Variants in ENO3 observed in about 807,000 individuals in gnomAD.
The protein encoded by ENO3 is enolase 3.
ENO3 carries 46 observed loss-of-function variants against 47.7 expected under a neutral mutation model. That is an observed-to-expected ratio of 0.96 (90% CI 0.76 to 1.23). The LOEUF (loss-of-function observed/expected upper bound fraction) is 1.23, where lower values mean the gene tolerates loss of function less well. Among genes scored for constraint, ENO3 ranks in the 50% most tolerant of loss-of-function variants. ENO3 has a pLI of 0.00. For missense variants in ENO3, 575 were observed against 566.2 expected, an observed-to-expected ratio of 1.02 and a Z score of -0.16; for synonymous variants, 223 against 225.9, an observed-to-expected ratio of 0.99 and a Z score of 0.11.
At chr17:4,952,278 G>A in intron 2 of ENO3, 1 of 365,852 alleles carries the variant, frequency 2.7e-6, no homozygotes, top group Admixed American at 3.7e-5. Flanking sequence ...CCGGGTTTAA[G>A]TGATTCTTGT....
rs772780015 is a variant in ENO3 at position 4,955,511 on chromosome 17, G to C, written c.772G>C (p.Asp258His). 4 of 1,614,104 alleles carry C rather than the reference G, an allele frequency of 2.5e-6. No individual in the cohort carries two copies. The highest frequency in any genetic ancestry group is 2.7e-5 in the African/African-American group (2 of 74,944). Residue 258 changes from aspartate (D) to histidine (H), a missense_variant, in exon 8 of 12, where the codon GAT becomes CAT. By Grantham distance (81) the Asp-to-His change is moderately conservative. Coordinates refer to ENST00000519602, the MANE Select transcript of ENO3 (RefSeq NM_053013.4). ...ASEFYRNGKY[D>H]LDFKSPDDPA... is the part of the protein sequence containing the mutation. Reference sequence around the variant, plus strand: ...TGAGTTCTATCGCAATGGGAAGTACGATCTTGACTTCAAGTCGCCTGATGA... The same window carrying C: ...TGAGTTCTATCGCAATGGGAAGTACCATCTTGACTTCAAGTCGCCTGATGA...
intron 4 of ENO3, 79 bp from the exon 5 acceptor site, chr17:4,953,193 C>G: frequency 6.2e-7 from 1 of 1,612,778 alleles, no homozygotes; most frequent in Non-Finnish European, 8.5e-7. Context: ...GAAACATTTT[C>G]CCTTATCCTT....
At chr17:4,955,625 A>G (rs374804367) in intron 8 of ENO3, 21 bp downstream of exon 8, 18 of 1,614,052 alleles carry the variant, frequency 1.1e-5, no homozygotes, top group Non-Finnish European at 1.4e-5. Context: ...CGGGTGTCCC[A>G]GTGTTCCTGC....
chr17:4,953,667 C>G, intron 5 of ENO3, 45 bp from the exon 6 acceptor site: 1 of 1,614,218 alleles, frequency 6.2e-7, no homozygotes, highest in Non-Finnish European at 8.5e-7. Flanking sequence ...CCACCCCAAA[C>G]CCTGCAGAAG....
chr17:4,953,579 C>A, intron 5 of ENO3, 133 bp from the exon 6 acceptor site: 1 of 1,555,076 alleles, frequency 6.4e-7, no homozygotes, highest in Admixed American at 1.7e-5. Context: ...CCCAGGGCTA[C>A]TCAGGCTGTT....
rs1284375660 is a variant in ENO3, at chr17:4,952,858, G to GATT, written c.150_151insTTA (p.Arg50_Asp51insLeu). 6.2e-7 allele frequency: 1 copy of GATT among 1,612,752 alleles called. No individual in the cohort carries two copies. The highest frequency in any genetic ancestry group is 8.5e-7 in the Non-Finnish European group (1 of 1,179,302). ...GGTATCTATGAGGCTCTGGAACTAAGAGACGGAGACAAAGGCCGCTACCTG... is the reference window on the plus strand; with the variant it reads ...GGTATCTATGAGGCTCTGGAACTAAGATTAGACGGAGACAAAGGCCGCTACCTG... On this transcript the variant is annotated inframe_insertion, in exon 3 of 12. Transcript: ENST00000519602.
chr17:4,950,882 C>T (rs1438429194), upstream of ENO3, among the ~76,000 whole-genome samples: 1 of 152,214 alleles, frequency 6.6e-6, no homozygotes, highest in African/African-American at 2.4e-5. Flanking sequence ...CTCCCTTGCT[C>T]CTCCCAAAGG....
chr17:4,954,123 C>G (rs1389059671), intron 6 of ENO3: 3 of 546,342 alleles, frequency 5.5e-6, no homozygotes, highest in Non-Finnish European at 9.8e-6. Context: ...ACCCCACACC[C>G]TACACCCAAA....
chr17:4,950,238 G>C (rs534109953), upstream of ENO3: 1 of 152,372 alleles, frequency 6.6e-6, no homozygotes, highest in East Asian at 1.9e-4. Context: ...ACTGGCCCCA[G>C]AGCCGGCAAA....
rs556739646 is a variant in ENO3 at position 4,952,375 on chromosome 17, A to G, written c.86-420A>G. 436 of 285,936 alleles carry G rather than the reference A, an allele frequency of 1.5e-3. 2 individuals are homozygous for G. Among genetic ancestry groups the G allele is most frequent in the African/African-American group, 0.011 (377 of 34,944 alleles). 17.7% of individuals were successfully genotyped at this position (285,936 alleles called of 1,614,324 possible). ...TTTTTTTTTTTTGAGATGGAGTCTC[A>G]CTCTGTCGCCCAGGCTGGAGTGCAG... On this transcript the variant is annotated intron_variant, in intron 2 of 11. Coordinates refer to ENST00000519602, the MANE Select transcript of ENO3 (RefSeq NM_053013.4).
intron 2 of ENO3, chr17:4,952,445 G>T: frequency 2.9e-6 from 1 of 349,738 alleles, no homozygotes. Flanking sequence ...CCGGGTTCAC[G>T]CCATTCTCCT....
intron 2 of ENO3, among the ~76,000 whole-genome samples, chr17:4,952,531 G>T (rs1475271700): frequency 6.6e-6 from 1 of 152,114 alleles, no homozygotes; most frequent in Non-Finnish European, 1.5e-5. Flanking sequence ...CACGGTGTCA[G>T]CCAGGATTGT....
intron 1 of ENO3, 152 bp from the exon 2 acceptor site, chr17:4,951,676 G>A: frequency 1.3e-6 from 1 of 789,850 alleles, no homozygotes; most frequent in Admixed American, 2.0e-5. Flanking sequence ...GGAGGGGGCT[G>A]CGCCTGCCTC....
chr17:4,953,180 C>G, intron 4 of ENO3, 71 bp downstream of exon 4: 1 of 1,612,944 alleles, frequency 6.2e-7, no homozygotes, highest in East Asian at 2.2e-5. Flanking sequence ...ACAGGCCTCT[C>G]CCGAAACATT....
rs113294825 is a variant in ENO3, at chr17:4,956,400, C to G, written c.1068-173C>G. 1,918 of 767,864 alleles carry G rather than the reference C, an allele frequency of 2.5e-3. 12 individuals are homozygous for G. Among genetic ancestry groups the G allele is most frequent in the African/African-American group, 0.017 (980 of 58,284 alleles). The allele number at this position is 767,864 out of a possible 1,614,324, so 47.6% of individuals were successfully genotyped here. A position where few individuals can be genotyped will look rare whatever the true frequency, so the allele number is the denominator to read the frequency against. On this transcript the variant is annotated intron_variant, in intron 9 of 11. Transcript: ENST00000519602. ...GATTCCGCTGTTCTCAGCAGCATCT[C>G]AAGAGCCCGAAATCAAGATAAGTCT...
In ENO3 at chr17:4,955,497, G is replaced by T. The variant is rs772969351; in HGVS notation, c.758G>T (p.Arg253Leu). 2 of 1,614,080 alleles carry T rather than the reference G, an allele frequency of 1.2e-6. No homozygotes were observed. The highest frequency in any genetic ancestry group is 2.2e-5 in the East Asian group (1 of 44,892). The change falls in exon 8 of 12, where the codon CGC becomes CTC. Residue 253 changes from arginine (R) to leucine (L), a missense_variant. Transcript: ENST00000519602. ...GMDVAASEFYRNGKYDLDFKS... is the reference protein window; with the variant it reads ...GMDVAASEFYLNGKYDLDFKS... ...GATGTGGCAGCATCTGAGTTCTATC[G>T]CAATGGGAAGTACGATCTTGACTTC...
chr17:4,955,739 C>T lies in ENO3; in HGVS notation c.865+135C>T, dbSNP rs1459592909. 3 of 1,408,674 alleles carry T rather than the reference C, an allele frequency of 2.1e-6. No individual in the cohort carries two copies. The African/African-American group carries it at 4.3e-5, about 20-fold the overall frequency. The allele number at this position is 1,408,674 out of a possible 1,614,324, so 87.3% of individuals were successfully genotyped here. A position where few individuals can be genotyped will look rare whatever the true frequency, so the allele number is the denominator to read the frequency against. ...CCCCATTAAAATCCCCATTTAAGCTCTTCTGCCCTGTCACCCCTCCATGAG... is the reference window on the plus strand; with the variant it reads ...CCCCATTAAAATCCCCATTTAAGCTTTTCTGCCCTGTCACCCCTCCATGAG... On this transcript the variant is annotated intron_variant, in intron 8 of 11. Transcript: ENST00000519602.
rs200165916 is a variant in ENO3, at chr17:4,953,863, C to T, written c.444+18C>T. The T allele has an allele frequency of 1.2e-6, 2 of 1,613,986 alleles. No homozygotes were observed. The highest frequency in any genetic ancestry group is 2.2e-5 in the East Asian group (1 of 44,890). On this transcript the variant is annotated intron_variant, in intron 6 of 11. Transcript: ENST00000519602. ...CAGTGCCAGTGAGTGCAGCTACCCG[C>T]CCTTCCCAGATCTCGCCTGGACAGA...
Position 4,955,795 on chromosome 17 carries a change from CCT to C in ENO3, c.866-146_866-145del, listed in dbSNP as rs1390356874. ...TTCTGACCTCTAGCCGTGTCTCTGC[CCT>C]GTCTCTGCCTTGTCTCTGCCCTGTC... On this transcript the variant is annotated intron_variant, in intron 8 of 11. Transcript: ENST00000519602. 34 of 1,197,876 alleles carry C rather than the reference CCT, an allele frequency of 2.8e-5. No homozygotes were observed. The East Asian group carries it at 6.9e-4, about 24-fold the overall frequency. 74.2% of individuals were successfully genotyped at this position (1,197,876 alleles called of 1,614,324 possible).
Sources: gnomAD v4.1 joint callset for allele counts (sites outside exome capture counted in the v4.1 genomes callset) on GRCh38, gnomAD v4.1.1 for gene constraint, MANE v1.5 for transcripts, NCBI Gene and HGNC (gene_info 2026-07-23, HGNC 2026-07-21) for gene names.